The following FAR2 variants were observed in gnomAD, a reference collection of about 807,000 sequenced individuals.
The protein encoded by FAR2 is fatty acyl-CoA reductase 2, also known as epididymis secretory protein Li 81.
FAR2 carries 19 observed loss-of-function variants against 56.0 expected under a neutral mutation model. That is an observed-to-expected ratio of 0.34 (90% CI 0.24 to 0.50). The LOEUF (loss-of-function observed/expected upper bound fraction) is 0.50, where lower values mean the gene tolerates loss of function less well. Ranked by LOEUF, FAR2 falls within the 20% of genes least tolerant of loss-of-function variation. The pLI is 0.98. For synonymous variants in FAR2, 219 were observed against 218.8 expected, an observed-to-expected ratio of 1.00 and a Z score of -0.01; for missense variants, 508 against 642.2, an observed-to-expected ratio of 0.79 and a Z score of 2.26.
intron 2 of FAR2, among the ~76,000 whole-genome samples, chr12:29,287,512 C>T (rs1391238145): frequency 1.3e-5 from 2 of 152,096 alleles, no homozygotes; most frequent in African/African-American, 4.8e-5. Flanking sequence ...TTTTACTCAG[C>T]ACTCTAAAAA....
intron 1 of FAR2, among the ~76,000 whole-genome samples, chr12:29,216,913 A>G (rs1947628026): frequency 6.6e-6 from 1 of 152,230 alleles, no homozygotes; most frequent in South Asian, 2.1e-4. Flanking sequence ...TCAGATATTC[A>G]CAGTACTTTG....
intron 1 of FAR2, among the ~76,000 whole-genome samples, chr12:29,195,499 T>C (rs1017387148): frequency 6.6e-6 from 1 of 152,172 alleles, no homozygotes; most frequent in Non-Finnish European, 1.5e-5. Flanking sequence ...AATTATGTGA[T>C]GCATAAAGAG....
chr12:29,180,985 A>T (rs1949986661), intron 1 of FAR2, among the ~76,000 whole-genome samples: 1 of 152,118 alleles, frequency 6.6e-6, no homozygotes, highest in African/African-American at 2.4e-5. Flanking sequence ...TTCCAAGCAC[A>T]TATATTTTTA....
intron 1 of FAR2, among the ~76,000 whole-genome samples, chr12:29,161,590 G>C (rs896895520): frequency 3.3e-5 from 5 of 152,190 alleles, no homozygotes; most frequent in African/African-American, 1.2e-4. Context: ...CTTAGGACTA[G>C]AGCTGCTATG....
chr12:29,224,432 G>C (rs888408832), intron 1 of FAR2, among the ~76,000 whole-genome samples: 2 of 152,076 alleles, frequency 1.3e-5, no homozygotes, highest in African/African-American at 2.4e-5. Context: ...AGAGCTCCAG[G>C]GAAGAATATG....
intron 1 of FAR2, among the ~76,000 whole-genome samples, chr12:29,179,169 T>A (rs778385771): frequency 3.3e-5 from 5 of 152,210 alleles, no homozygotes; most frequent in Non-Finnish European, 7.4e-5. Flanking sequence ...CCAAATATGG[T>A]CACATTCTGA....
At chr12:29,234,321 C>G (rs1565481945) in intron 1 of FAR2, among the ~76,000 whole-genome samples, 1 of 152,086 alleles carries the variant, frequency 6.6e-6, no homozygotes, top group Non-Finnish European at 1.5e-5. Context: ...TTTCCCCTTT[C>G]CTAGTCAATA....
intron 2 of FAR2, among the ~76,000 whole-genome samples, chr12:29,285,729 G>T (rs1051488386): frequency 6.6e-6 from 1 of 152,012 alleles, no homozygotes; most frequent in African/African-American, 2.4e-5. Flanking sequence ...GACCATTCTG[G>T]CCAACATAAT....
At chr12:29,167,150 A>G (rs1006287969) in intron 1 of FAR2, among the ~76,000 whole-genome samples, 1 of 152,208 alleles carries the variant, frequency 6.6e-6, no homozygotes, top group Non-Finnish European at 1.5e-5. Context: ...GTACAAATCC[A>G]TCGCTATCCC....
intron 1 of FAR2, among the ~76,000 whole-genome samples, chr12:29,216,146 A>T (rs1278593492): frequency 1.3e-5 from 2 of 152,198 alleles, no homozygotes; most frequent in African/African-American, 4.8e-5. Context: ...GAGTGTTAGG[A>T]ACTACCTTAA....
chr12:29,189,933 G>C (rs1303691866), intron 1 of FAR2, among the ~76,000 whole-genome samples: 3 of 152,142 alleles, frequency 2.0e-5, no homozygotes, highest in African/African-American at 7.2e-5. Flanking sequence ...AGACTTTGAA[G>C]ATACAGCTGG....
chr12:29,308,270 G>A lies in FAR2; in HGVS notation c.723+435G>A, dbSNP rs545120354. 2.0e-4 allele frequency among the ~76,000 whole-genome samples: 31 copies of A among 152,224 alleles called. No homozygotes were observed. In the South Asian group the frequency reaches 6.2e-3, roughly 30 times the overall value. ...AATTTTTTTTAAACCTCAGTATACT[G>A]TCATGACCTTTTGAAAGTACTTTGA... On this transcript the variant is annotated intron_variant, in intron 5 of 11. Transcript: ENST00000536681.
chr12:29,168,705 G>A (rs886748407), intron 1 of FAR2, among the ~76,000 whole-genome samples: 4 of 152,208 alleles, frequency 2.6e-5, no homozygotes, highest in Non-Finnish European at 5.9e-5. Flanking sequence ...CAAGAATGAA[G>A]CCGTGGACGT....
chr12:29,307,722 T>C lies in FAR2; in HGVS notation c.610T>C (p.Tyr204His), dbSNP rs1401048861. The change falls in exon 5 of 12, where the codon TAT becomes CAT. Residue 204 changes from tyrosine to histidine, a missense_variant. Coordinates refer to ENST00000536681, the MANE Select transcript of FAR2 (RefSeq NM_001271783.2). ...GCTGATCAGAGATTGGCCCAATATTTATACCTACACCAAGGCCTTGGGAGA... is the reference window on the plus strand; with the variant it reads ...GCTGATCAGAGATTGGCCCAATATTCATACCTACACCAAGGCCTTGGGAGA... ...PKLIRDWPNIYTYTKALGEMV... is the reference protein window; with the variant it reads ...PKLIRDWPNIHTYTKALGEMV... 1 of 1,613,946 alleles carries C rather than the reference T, an allele frequency of 6.2e-7. No homozygotes were observed. The highest frequency in any genetic ancestry group is 1.7e-5 in the Admixed American group (1 of 59,988).
intron 1 of FAR2, among the ~76,000 whole-genome samples, chr12:29,262,298 A>T (rs1245444331): frequency 6.6e-6 from 1 of 152,178 alleles, no homozygotes; most frequent in Non-Finnish European, 1.5e-5. Context: ...CATTAACTGC[A>T]AATTGAAAAA....
At chr12:29,331,326 C>T (rs867454930) in intron 10 of FAR2, 1 of 151,800 alleles carries the variant, frequency 6.6e-6, no homozygotes, top group East Asian at 1.9e-4. Context: ...TTAAACACAC[C>T]CTCCACTTGC....
At chr12:29,262,259 G>A (rs1948433048) in intron 1 of FAR2, among the ~76,000 whole-genome samples, 1 of 151,608 alleles carries the variant, frequency 6.6e-6, no homozygotes, top group South Asian at 2.1e-4. Context: ...TTAAAATAAT[G>A]GGTTATAAGA....
At chr12:29,221,452 T>C (rs1947689476) in intron 1 of FAR2, among the ~76,000 whole-genome samples, 1 of 152,190 alleles carries the variant, frequency 6.6e-6, no homozygotes, top group Non-Finnish European at 1.5e-5. Flanking sequence ...GCAATCTGAC[T>C]GATATATTTG....
Position 29,307,693 on chromosome 12 carries a change from C to T in FAR2, c.581C>T (p.Pro194Leu). Residue 194 changes from proline (P) to leucine (L), a missense_variant, in exon 5 of 12, where the codon CCC becomes CTC. Physicochemically the swap from Pro to Leu is moderately conservative, Grantham distance 98. Coordinates refer to ENST00000536681, the MANE Select transcript of FAR2 (RefSeq NM_001271783.2). ...LDDAIIDEIT[P>L]KLIRDWPNIY... ...GATGCTATTATTGACGAGATTACAC[C>T]CAAGCTGATCAGAGATTGGCCCAAT... 1 of 1,613,250 alleles carries T rather than the reference C, an allele frequency of 6.2e-7. No individual in the cohort carries two copies. The highest frequency in any genetic ancestry group is 1.3e-5 in the African/African-American group (1 of 74,954).
Sources: allele counts gnomAD v4.1 joint callset (sites outside exome capture counted in the v4.1 genomes callset), GRCh38; gene constraint gnomAD v4.1.1; transcripts MANE v1.5; gene names NCBI Gene and HGNC (gene_info 2026-07-23, HGNC 2026-07-21).